The following FHIP1A variants were observed in gnomAD, a reference collection of about 807,000 sequenced individuals.
FHIP1A encodes the protein FHF complex subunit HOOK-interacting protein 1A.
Under a neutral mutation model 88.6 loss-of-function variants are expected in FHIP1A, and 61 were observed. The observed-to-expected ratio is 0.69, with a 90% CI of 0.56 to 0.85. The LOEUF (loss-of-function observed/expected upper bound fraction) is 0.85, where lower values mean the gene tolerates loss of function less well. FHIP1A is among the 40% of genes least tolerant of loss of function. The probability of loss-of-function intolerance (pLI) is 0.00; values close to 1 mark genes in which losing one functional copy is unlikely to be tolerated. For missense variants in FHIP1A, 1,154 were observed against 1,273.5 expected (o/e 0.91, Z 1.43); for synonymous variants, 478 against 496.0 (o/e 0.96, Z 0.48).
At chr4:151,631,165 T>C (rs1432781827) in intron 8 of FHIP1A, among the ~76,000 whole-genome samples, 2 of 151,436 alleles carry the variant, frequency 1.3e-5, no homozygotes, top group African/African-American at 2.4e-5. Context: ...ATTAATGAAA[T>C]AGAAAATTAA....
chr4:151,581,905 T>C (rs1315567446), intron 5 of FHIP1A, among the ~76,000 whole-genome samples: 1 of 152,198 alleles, frequency 6.6e-6, no homozygotes, highest in African/African-American at 2.4e-5. Context: ...CTGGTTCTGC[T>C]GCCTCATAGC....
chr4:151,567,300 C>T (rs950799349), intron 4 of FHIP1A, among the ~76,000 whole-genome samples: 1 of 152,068 alleles, frequency 6.6e-6, no homozygotes, highest in East Asian at 1.9e-4. Context: ...TTCTTGTGGC[C>T]GGAAACAGCA....
intron 3 of FHIP1A, among the ~76,000 whole-genome samples, chr4:151,560,684 G>T (rs974853820): frequency 6.6e-6 from 1 of 152,114 alleles, no homozygotes; most frequent in Admixed American, 6.5e-5. Flanking sequence ...GATCAGTTGG[G>T]TTGGTGGGGA....
chr4:151,503,480 C>T (rs533701552), intron 3 of FHIP1A, among the ~76,000 whole-genome samples: 9 of 152,158 alleles, frequency 5.9e-5, no homozygotes, highest in Non-Finnish European at 1.2e-4. Flanking sequence ...TCTGGAGCTT[C>T]CAAGCACACA....
At chr4:151,624,454 C>T (rs1036255842) in intron 7 of FHIP1A, among the ~76,000 whole-genome samples, 6 of 152,036 alleles carry the variant, frequency 3.9e-5, no homozygotes, top group Admixed American at 6.6e-5. Flanking sequence ...GGGAGATGAG[C>T]GGTGTTTCAC....
At chr4:151,638,354 A>G (rs1213283499) in intron 8 of FHIP1A, among the ~76,000 whole-genome samples, 1 of 100,728 alleles carries the variant, frequency 9.9e-6, no homozygotes, top group Non-Finnish European at 2.4e-5. Flanking sequence ...TGTATGTGAG[A>G]GAGAGAGAGA....
chr4:151,530,367 G>A (rs1228646019), intron 3 of FHIP1A, among the ~76,000 whole-genome samples: 1 of 152,096 alleles, frequency 6.6e-6, no homozygotes, highest in Non-Finnish European at 1.5e-5. Context: ...GTAGGCATAC[G>A]ATTCATATTG....
intron 7 of FHIP1A, among the ~76,000 whole-genome samples, chr4:151,615,199 A>G (rs1185484066): frequency 6.6e-6 from 1 of 152,226 alleles, no homozygotes; most frequent in African/African-American, 2.4e-5. Flanking sequence ...TCAATTTCAA[A>G]GGATTTCTGC....
At chr4:151,651,699 G>A (rs542540900) in intron 11 of FHIP1A, among the ~76,000 whole-genome samples, 65 of 152,294 alleles carry the variant, frequency 4.3e-4, no homozygotes, top group African/African-American at 1.4e-3. Flanking sequence ...GATGAAAACA[G>A]ATTGCCTTCT....
intron 7 of FHIP1A, among the ~76,000 whole-genome samples, chr4:151,604,453 G>C (rs1262249106): frequency 6.6e-6 from 1 of 152,160 alleles, no homozygotes; most frequent in Non-Finnish European, 1.5e-5. Flanking sequence ...GGGAAACACA[G>C]TGACATCTGT....
chr4:151,452,060 A>G (rs989216294), intron 1 of FHIP1A, among the ~76,000 whole-genome samples: 2 of 152,100 alleles, frequency 1.3e-5, no homozygotes, highest in Non-Finnish European at 2.9e-5. Context: ...AGCTCAAGCA[A>G]TCCTCTTGCC....
intron 3 of FHIP1A, among the ~76,000 whole-genome samples, chr4:151,532,210 T>G (rs1311837222): frequency 6.6e-6 from 1 of 152,172 alleles, no homozygotes; most frequent in Non-Finnish European, 1.5e-5. Context: ...CTTTCCACCT[T>G]AGGTTTATAG....
intron 3 of FHIP1A, among the ~76,000 whole-genome samples, chr4:151,516,609 AAAAC>A (rs1240560589): frequency 3.9e-5 from 6 of 152,298 alleles, no homozygotes; most frequent in South Asian, 4.1e-4. Context: ...TTACAAGAAA[AAAAC>A]AAACAACCCC....
intron 3 of FHIP1A, among the ~76,000 whole-genome samples, chr4:151,503,607 G>A (rs1309232659): frequency 6.6e-6 from 1 of 151,880 alleles, no homozygotes; most frequent in Non-Finnish European, 1.5e-5. Flanking sequence ...AAAGAGAAAA[G>A]AAGAGAAAAA....
In FHIP1A at chr4:151,656,856, C is replaced by T. The variant is rs551441542; in HGVS notation, c.2827C>T (p.Arg943Cys). The change falls in exon 13 of 14, where the codon CGT (arginine) becomes TGT (cysteine). Residue 943 changes from arginine to cysteine, a missense_variant. Arg to Cys is a radical substitution (Grantham distance 180). Coordinates refer to ENST00000435205, the MANE Select transcript of FHIP1A (RefSeq NM_001109977.3). This position sits in a 1 kb window ranked among gnomAD's most constrained non-coding sequence, Gnocchi z 4.2. Reference protein sequence around the residue: ...LIQAQQYLLFRVDMSDMTPAA... With the variant: ...LIQAQQYLLFCVDMSDMTPAA... ...TCAAGCTCAGCAGTACCTGCTCTTC[C>T]GTGTGGACATGTCTGATATGACCCC... 6.0e-5 allele frequency: 93 copies of T among 1,551,544 alleles called. No homozygotes were observed. The East Asian group carries it at 1.6e-3, about 26-fold the overall frequency.
intron 2 of FHIP1A, among the ~76,000 whole-genome samples, chr4:151,463,512 C>T (rs1729207986): frequency 6.6e-6 from 1 of 152,216 alleles, no homozygotes; most frequent in South Asian, 2.1e-4. Context: ...TCCTCCTTTG[C>T]CCCTTGCAGA....
Position 151,649,666 on chromosome 4 carries a change from A to T in FHIP1A, c.1625A>T (p.Glu542Val). The T allele has an allele frequency of 1.2e-5, 19 of 1,551,550 alleles. No individual in the cohort carries two copies. The highest frequency in any genetic ancestry group is 1.6e-5 in the Non-Finnish European group (18 of 1,146,944). The change falls in exon 11 of 14, where the codon GAG becomes GTG. Residue 542 changes from glutamate (E) to valine (V), a missense_variant. Physicochemically the swap from Glu to Val is moderately radical, Grantham distance 121. Coordinates refer to ENST00000435205, the MANE Select transcript of FHIP1A (RefSeq NM_001109977.3). ...PEMFLQSLTE[E>V]GSVSSACPVF... ...ATGTTTCTCCAGAGTCTGACGGAGGAGGGCAGTGTGAGCTCGGCCTGCCCT... is the reference window on the plus strand; with the variant it reads ...ATGTTTCTCCAGAGTCTGACGGAGGTGGGCAGTGTGAGCTCGGCCTGCCCT...
chr4:151,635,881 G>T (rs1231560579), intron 8 of FHIP1A, among the ~76,000 whole-genome samples: 1 of 151,902 alleles, frequency 6.6e-6, no homozygotes, highest in Non-Finnish European at 1.5e-5. Flanking sequence ...TTATTTATGT[G>T]TTCTTTATCA....
chr4:151,632,650 A>C (rs1200459261), intron 8 of FHIP1A, among the ~76,000 whole-genome samples: 1 of 152,082 alleles, frequency 6.6e-6, no homozygotes, highest in Non-Finnish European at 1.5e-5. Context: ...TTCTAACTGC[A>C]ATGGAATGAA....
Sources: allele counts gnomAD v4.1 joint callset (sites outside exome capture counted in the v4.1 genomes callset), GRCh38; gene constraint gnomAD v4.1.1; non-coding constraint Gnocchi (gnomAD v3.1); transcripts MANE v1.5; gene names NCBI Gene and HGNC (gene_info 2026-07-23, HGNC 2026-07-21).